The following DCC variants were observed in gnomAD, a reference collection of about 807,000 sequenced individuals.
DCC encodes DCC netrin 1 receptor.
Under a neutral mutation model 172.5 loss-of-function variants are expected in DCC, and 58 were observed. That is an observed-to-expected ratio of 0.34 (90% CI 0.27 to 0.42). The LOEUF (loss-of-function observed/expected upper bound fraction) is 0.42, where lower values mean the gene tolerates loss of function less well. Among genes scored for constraint, DCC ranks in the 10% least tolerant of loss-of-function variants. DCC has a pLI of 1.00. For missense variants in DCC, 1,740 were observed against 1,791.0 expected, an observed-to-expected ratio of 0.97 and a Z score of 0.51; for synonymous variants, 709 against 644.5, an observed-to-expected ratio of 1.10 and a Z score of -1.52.
intron 1 of DCC, among the ~76,000 whole-genome samples, chr18:52,572,332 G>GT (rs971626414): frequency 1.1e-4 from 16 of 152,082 alleles, no homozygotes; most frequent in African/African-American, 3.1e-4. Flanking sequence ...CTAGTCCTAA[G>GT]TTTTTTTACT....
intron 12 of DCC, among the ~76,000 whole-genome samples, chr18:53,245,767 A>T (rs2056358227): frequency 6.6e-6 from 1 of 152,140 alleles, no homozygotes; most frequent in Non-Finnish European, 1.5e-5. Context: ...AAAGAACAAA[A>T]ATCTCAACAG....
chr18:52,833,381 A>G (rs188714123), intron 2 of DCC, among the ~76,000 whole-genome samples: 1 of 152,240 alleles, frequency 6.6e-6, no homozygotes, highest in African/African-American at 2.4e-5. Context: ...CACACTTTAT[A>G]GAGGGATTCT....
intron 15 of DCC, among the ~76,000 whole-genome samples, chr18:53,356,881 G>C (rs1235180820): frequency 6.6e-6 from 1 of 152,086 alleles, no homozygotes; most frequent in African/African-American, 2.4e-5. Context: ...CTTCTGAGTT[G>C]CTCTTTTCTC....
At chr18:52,648,231 T>G (rs1598985714) in intron 1 of DCC, among the ~76,000 whole-genome samples, 1 of 152,168 alleles carries the variant, frequency 6.6e-6, no homozygotes, top group South Asian at 2.1e-4. Context: ...TGACAGCACT[T>G]TGGTAGCTTG....
At chr18:52,431,498 A>C (rs1274525602) in intron 1 of DCC, among the ~76,000 whole-genome samples, 3 of 152,114 alleles carry the variant, frequency 2.0e-5, no homozygotes, top group African/African-American at 7.2e-5. Context: ...AAAGGGGAAA[A>C]ATTCTGTGGA....
chr18:53,004,048 T>G (rs2041607997), intron 5 of DCC, among the ~76,000 whole-genome samples: 1 of 152,212 alleles, frequency 6.6e-6, no homozygotes, highest in Admixed American at 6.5e-5. Context: ...GCCAGTTTTC[T>G]CATTAACGAA....
Position 52,925,646 on chromosome 18 carries a change from T to C in DCC, c.985+276T>C, listed in dbSNP as rs1296546447. Among the ~76,000 whole-genome samples the C allele has an allele frequency of 3.3e-5, 5 of 151,966 alleles. No homozygotes were observed. In the South Asian group the frequency reaches 6.2e-4, roughly 19 times the overall value. ...TACCAAAAATTATTAATGGCAGATG[T>C]GTTGAATAATAAATATGATATTACA... is the stretch of plus-strand genomic sequence containing the variant. On this transcript the variant is annotated intron_variant, in intron 5 of 28. Transcript: ENST00000442544.
chr18:52,609,033 G>A (rs1221885), intron 1 of DCC, among the ~76,000 whole-genome samples: 135,673 of 152,162 alleles, frequency 0.89, 61,179 homozygotes, highest in Middle Eastern at 0.99. Flanking sequence ...AATGCAACAT[G>A]TTTCAGTAAA....
chr18:53,044,565 A>G (rs1441992935), intron 5 of DCC, among the ~76,000 whole-genome samples: 1 of 151,792 alleles, frequency 6.6e-6, no homozygotes, highest in Non-Finnish European at 1.5e-5. Context: ...TCAAATTAGC[A>G]TTTACTCAGG....
At chr18:52,909,722 A>G (rs752067160) in intron 3 of DCC, among the ~76,000 whole-genome samples, 2 of 152,106 alleles carry the variant, frequency 1.3e-5, no homozygotes, top group African/African-American at 4.8e-5. Flanking sequence ...ACTTTATTCA[A>G]TTAACTTTTG....
intron 5 of DCC, among the ~76,000 whole-genome samples, chr18:53,020,833 G>C (rs1432956367): frequency 6.6e-6 from 1 of 152,072 alleles, no homozygotes; most frequent in Admixed American, 6.5e-5. Context: ...TTAAATGAGG[G>C]GGAAAAATTT....
intron 15 of DCC, among the ~76,000 whole-genome samples, chr18:53,373,943 T>G (rs1388345269): frequency 1.3e-5 from 2 of 152,348 alleles, no homozygotes; most frequent in Non-Finnish European, 2.9e-5. Context: ...ATAGTATGTG[T>G]ATGTACTGAC....
intron 7 of DCC, among the ~76,000 whole-genome samples, chr18:53,087,696 G>T (rs984157698): frequency 6.6e-6 from 1 of 151,704 alleles, no homozygotes; most frequent in Non-Finnish European, 1.5e-5. Context: ...GTCCTGAATG[G>T]TAATGCCTAG....
chr18:52,938,377 G>C (rs150547090), intron 5 of DCC, among the ~76,000 whole-genome samples: 1 of 152,148 alleles, frequency 6.6e-6, no homozygotes, highest in Non-Finnish European at 1.5e-5. Flanking sequence ...AGTGATGTCT[G>C]GTAGTGGCAA....
chr18:53,487,318 T>C (rs551099038), intron 26 of DCC, among the ~76,000 whole-genome samples: 12 of 152,366 alleles, frequency 7.9e-5, no homozygotes, highest in Non-Finnish European at 1.3e-4. Flanking sequence ...CTGTTGGTTA[T>C]GTCTCACTGA....
At chr18:52,631,431 G>A (rs1395391281) in intron 1 of DCC, among the ~76,000 whole-genome samples, 2 of 152,242 alleles carry the variant, frequency 1.3e-5, no homozygotes, top group Non-Finnish European at 1.5e-5. Context: ...TGCACTGCCA[G>A]TGGTTCTTTC....
intron 7 of DCC, among the ~76,000 whole-genome samples, chr18:53,146,973 T>A (rs2043925028): frequency 6.6e-6 from 1 of 152,194 alleles, no homozygotes; most frequent in South Asian, 2.1e-4. Context: ...AAGACCCATC[T>A]TTTCTAGAGG....
At chr18:52,530,945 G>C (rs1164766083) in intron 1 of DCC, among the ~76,000 whole-genome samples, 1 of 152,172 alleles carries the variant, frequency 6.6e-6, no homozygotes, top group Non-Finnish European at 1.5e-5. Flanking sequence ...AAAAGACCTA[G>C]ATAGGTGATG....
intron 1 of DCC, among the ~76,000 whole-genome samples, chr18:52,533,342 C>A (rs1441536646): frequency 6.6e-6 from 1 of 152,122 alleles, no homozygotes; most frequent in East Asian, 1.9e-4. Flanking sequence ...AGTCAAGATA[C>A]AGAAAAATTT....
Sources: allele counts gnomAD v4.1 joint callset (sites outside exome capture counted in the v4.1 genomes callset), GRCh38; gene constraint gnomAD v4.1.1; transcripts MANE v1.5; gene names NCBI Gene and HGNC (gene_info 2026-07-23, HGNC 2026-07-21).